HMGXB4: variants seen among roughly 807,000 people sequenced by gnomAD.
The protein encoded by HMGXB4 is HMG-box containing 4.
Under a neutral mutation model 63.9 loss-of-function variants are expected in HMGXB4, and 27 were observed. That is an observed-to-expected ratio of 0.42 (90% CI 0.31 to 0.58). The LOEUF (loss-of-function observed/expected upper bound fraction) is 0.58, where lower values mean the gene tolerates loss of function less well. Among genes scored for constraint, HMGXB4 ranks in the 20% least tolerant of loss-of-function variants. The pLI is 0.13. For synonymous variants in HMGXB4, 264 were observed against 265.3 expected (o/e 0.99, Z 0.05); for missense variants, 624 against 700.7 (o/e 0.89, Z 1.24).
At chr22:35,246,366 C>G in the HMGXB4 span, among the ~76,000 whole-genome samples, 1 of 152,138 alleles carries the variant, frequency 6.6e-6, no homozygotes. Flanking sequence ...GCTCCGCCTC[C>G]CGGGTTCACA....
intron 6 of HMGXB4, among the ~76,000 whole-genome samples, chr22:35,284,669 A>C (rs1489291482): frequency 2.0e-5 from 3 of 152,244 alleles, no homozygotes; most frequent in Admixed American, 6.5e-5. Context: ...TATGGGTACT[A>C]GAAGTACAGT....
At chr22:35,258,576 T>G (rs1922622168) in intron 1 of HMGXB4, 1 of 152,330 alleles carries the variant, frequency 6.6e-6, no homozygotes. Context: ...CTTCCAGAGC[T>G]GGCAGGGGCT....
At chr22:35,244,918 A>G in the HMGXB4 span, among the ~76,000 whole-genome samples, 1 of 152,236 alleles carries the variant, frequency 6.6e-6, no homozygotes, top group African/African-American at 2.4e-5. Flanking sequence ...AGAACATTAA[A>G]TTTATGTTCA....
intron 5 of HMGXB4, among the ~76,000 whole-genome samples, chr22:35,281,164 T>C (rs772569591): frequency 6.6e-6 from 1 of 152,252 alleles, no homozygotes; most frequent in South Asian, 2.1e-4. Flanking sequence ...TGAAATACTT[T>C]TACTATCACA....
chr22:35,284,155 G>A, intron 6 of HMGXB4, 112 bp downstream of exon 6: 1 of 746,426 alleles, frequency 1.3e-6, no homozygotes, highest in Non-Finnish European at 2.3e-6. Context: ...TCTTTCCTCA[G>A]TTCTGCAAAT....
At chr22:35,250,353 C>G in the HMGXB4 span, among the ~76,000 whole-genome samples, 1 of 152,190 alleles carries the variant, frequency 6.6e-6, no homozygotes, top group South Asian at 2.1e-4. Flanking sequence ...GAAGGGGAGT[C>G]AGCGTGTCAC....
intron 1 of HMGXB4, chr22:35,261,723 G>A (rs1217185849): frequency 6.6e-6 from 1 of 152,210 alleles, no homozygotes; most frequent in Non-Finnish European, 1.5e-5. Context: ...CTGATGTAAG[G>A]AGTGTACCTG....
intron 5 of HMGXB4, among the ~76,000 whole-genome samples, chr22:35,268,665 G>T (rs1923418013): frequency 6.6e-6 from 1 of 152,162 alleles, no homozygotes; most frequent in Non-Finnish European, 1.5e-5. Flanking sequence ...ATTGTAGACA[G>T]TCAGTAAATA....
intron 4 of HMGXB4, 29 bp from the exon 5 acceptor site, chr22:35,264,619 T>C (rs181051942): frequency 5.4e-6 from 8 of 1,488,776 alleles, no homozygotes; most frequent in Admixed American, 2.2e-5. Context: ...TCCCATCATA[T>C]TGACAGTACT....
chr22:35,276,063 T>G (rs1923896964), intron 5 of HMGXB4, among the ~76,000 whole-genome samples: 1 of 152,218 alleles, frequency 6.6e-6, no homozygotes, highest in South Asian at 2.1e-4. Context: ...ATCCTCTATT[T>G]GTATATTTTT....
intron 5 of HMGXB4, among the ~76,000 whole-genome samples, chr22:35,275,744 A>T (rs1923876579): frequency 6.6e-6 from 1 of 152,162 alleles, no homozygotes; most frequent in African/African-American, 2.4e-5. Flanking sequence ...GTTGCTTAAA[A>T]AGAAGTTACT....
intron 6 of HMGXB4, among the ~76,000 whole-genome samples, chr22:35,285,476 C>T (rs1219405336): frequency 2.0e-5 from 3 of 152,106 alleles, no homozygotes; most frequent in Non-Finnish European, 2.9e-5. Context: ...ACCTAGGAGG[C>T]AGAGGTTGCA....
chr22:35,244,727 A>G, the HMGXB4 span, among the ~76,000 whole-genome samples: 1 of 152,242 alleles, frequency 6.6e-6, no homozygotes. Context: ...TTGCTAGCCA[A>G]TCAGGACAAA....
chr22:35,259,915 G>C (rs1371057132), intron 1 of HMGXB4, among the ~76,000 whole-genome samples: 2 of 152,174 alleles, frequency 1.3e-5, no homozygotes, highest in Non-Finnish European at 2.9e-5. Context: ...TTCTTGGTTG[G>C]CCTGTGCCTC....
At chr22:35,253,453 A>T (rs560167334), upstream of HMGXB4, among the ~76,000 whole-genome samples, 3 of 152,314 alleles carry the variant, frequency 2.0e-5, no homozygotes, top group African/African-American at 4.8e-5. Flanking sequence ...GGGGACATTT[A>T]TTATTTGTCT....
At chr22:35,275,610 G>A (rs1923865593) in intron 5 of HMGXB4, among the ~76,000 whole-genome samples, 1 of 152,104 alleles carries the variant, frequency 6.6e-6, no homozygotes, top group African/African-American at 2.4e-5. Flanking sequence ...CAGGAGCAGT[G>A]GCACACACCT....
the HMGXB4 span, among the ~76,000 whole-genome samples, chr22:35,252,168 T>G: frequency 0.012 from 1,805 of 152,272 alleles, 19 homozygotes; most frequent in Non-Finnish European, 0.02. Context: ...TAAGCTGAGA[T>G]CGTGTCAGTG....
chr22:35,278,370 A>G (rs1924032880), intron 5 of HMGXB4, among the ~76,000 whole-genome samples: 1 of 152,242 alleles, frequency 6.6e-6, no homozygotes, highest in Non-Finnish European at 1.5e-5. Flanking sequence ...GGTAAATACC[A>G]AGGAGCACAG....
chr22:35,278,587 C>G (rs1357931512), intron 5 of HMGXB4, among the ~76,000 whole-genome samples: 2 of 152,062 alleles, frequency 1.3e-5, no homozygotes, highest in African/African-American at 4.8e-5. Flanking sequence ...CAAGAAATGT[C>G]ATTAAACCCC....
Sources: gnomAD v4.1 joint callset for allele counts (sites outside exome capture counted in the v4.1 genomes callset) on GRCh38, gnomAD v4.1.1 for gene constraint, MANE v1.5 for transcripts, NCBI Gene and HGNC (gene_info 2026-07-23, HGNC 2026-07-21) for gene names.